The following CEP57L1 variants were observed in gnomAD, a reference collection of about 807,000 sequenced individuals.
CEP57L1 encodes the protein centrosomal protein 57 like 1, also known as centrosomal protein CEP57L1.
In CEP57L1, 37 loss-of-function variants were observed where a neutral mutation model predicts 61.0. The observed-to-expected ratio is 0.61, with a 90% confidence interval of 0.47 to 0.80. The LOEUF is 0.80. CEP57L1 is among the 30% of genes least tolerant of loss of function. The pLI is 0.00. For synonymous variants in CEP57L1, 137 were observed against 162.3 expected, an observed-to-expected ratio of 0.84 and a Z score of 1.19; for missense variants, 422 against 524.7, an observed-to-expected ratio of 0.80 and a Z score of 1.91.
rs202070350 is a variant in CEP57L1 at position 109,169,226 on chromosome 6, C to CAA, written c.*6276_*6277dup. Among the ~76,000 whole-genome samples the CAA allele has an allele frequency of 0.019, 1,293 of 67,328 alleles. 42 individuals carry two copies. The highest frequency in any genetic ancestry group is 0.062 in the African/African-American group (1,079 of 17,374). The allele number at this position is 67,328 out of a possible 152,430, so 44.2% of individuals were successfully genotyped here. ...GAGCAGCAGAGTGAGGCTCCATCAG[C>CAA]AAAAAAAAAAAAAAAAAAAAAGATC... is the stretch of plus-strand genomic sequence containing the variant. On this transcript the variant is annotated 3_prime_UTR_variant, in exon 11 of 11. Coordinates refer to ENST00000517392, the MANE Select transcript of CEP57L1 (RefSeq NM_001271852.3).
intron 1 of CEP57L1, among the ~76,000 whole-genome samples, chr6:109,138,687 G>C (rs1340483276): frequency 6.6e-6 from 1 of 152,136 alleles, no homozygotes; most frequent in Non-Finnish European, 1.5e-5. Flanking sequence ...AGTTTGCCTT[G>C]TTTGAAATGT....
Position 109,146,771 on chromosome 6 carries a change from C to A in CEP57L1, c.174C>A (p.Ala58=). 6.4e-7 allele frequency: 1 copy of A among 1,570,158 alleles called. No homozygotes were observed. The highest frequency in any genetic ancestry group is 8.6e-7 in the Non-Finnish European group (1 of 1,164,476). The change falls in exon 3 of 11, where the codon GCC becomes GCA. Residue 58 remains alanine, a synonymous_variant. Transcript: ENST00000517392. ...TTTTTTCAACAGCTCTTATTTTAGCCTTAAAAACTCTTCAGGAAAAAATTC... is the reference window on the plus strand; with the variant it reads ...TTTTTTCAACAGCTCTTATTTTAGCATTAAAAACTCTTCAGGAAAAAATTC... ...HSPNSQALIL[A]LKTLQEKIHR...
intron 1 of CEP57L1, among the ~76,000 whole-genome samples, chr6:109,121,806 T>C (rs1333581032): frequency 2.0e-5 from 3 of 152,184 alleles, no homozygotes; most frequent in Non-Finnish European, 2.9e-5. Flanking sequence ...TGGTTAAATG[T>C]GATGGAAAGG....
chr6:109,109,910 G>T (rs567885355), intron 1 of CEP57L1, among the ~76,000 whole-genome samples: 2 of 152,138 alleles, frequency 1.3e-5, no homozygotes, highest in Non-Finnish European at 2.9e-5. Flanking sequence ...TGGTGTATAC[G>T]TGCCACATTT....
intron 1 of CEP57L1, 86 bp from the exon 2 acceptor site, chr6:109,145,133 T>A (rs1320385776): frequency 1.0e-5 from 8 of 789,802 alleles, no homozygotes; most frequent in Non-Finnish European, 1.5e-5. Flanking sequence ...GATTATGTTT[T>A]TAAAGTTTCA....
intron 10 of CEP57L1, 39 bp downstream of exon 10, chr6:109,160,755 A>G: frequency 1.0e-5 from 16 of 1,557,734 alleles, no homozygotes; most frequent in Non-Finnish European, 1.3e-5. Flanking sequence ...TAAAAACACA[A>G]AATATCTGGA....
intron 1 of CEP57L1, among the ~76,000 whole-genome samples, chr6:109,126,247 A>G (rs913287773): frequency 6.6e-6 from 1 of 152,202 alleles, no homozygotes; most frequent in Non-Finnish European, 1.5e-5. Flanking sequence ...GACCCTTACA[A>G]ATGAAAATAT....
intron 1 of CEP57L1, among the ~76,000 whole-genome samples, chr6:109,118,253 T>G (rs1772541219): frequency 6.6e-6 from 1 of 152,208 alleles, no homozygotes; most frequent in Admixed American, 6.5e-5. Flanking sequence ...GCCAGGCTGA[T>G]CTCAAACTCC....
intron 1 of CEP57L1, among the ~76,000 whole-genome samples, chr6:109,097,260 T>A (rs1177639305): frequency 6.6e-6 from 1 of 152,198 alleles, no homozygotes; most frequent in East Asian, 1.9e-4. Flanking sequence ...ACTGCGATAA[T>A]CTCTCAAGAC....
chr6:109,122,994 A>G (rs1301830452), intron 1 of CEP57L1, among the ~76,000 whole-genome samples: 1 of 152,130 alleles, frequency 6.6e-6, no homozygotes, highest in Admixed American at 6.5e-5. Flanking sequence ...TAATTATCAA[A>G]ATGATATATT....
rs911492612 is a variant in CEP57L1 at position 109,169,082 on chromosome 6, C to T, written c.*6112C>T. 2.0e-5 allele frequency among the ~76,000 whole-genome samples: 3 copies of T among 151,398 alleles called. No individual in the cohort carries two copies. The highest frequency in any genetic ancestry group is 6.6e-5 in the Admixed American group (1 of 15,214). ...CTCTACTAAAAATACAAAAATTAGCCGGGCATGGTGGTATGTGCCTGTAAT... is the reference window on the plus strand; with the variant it reads ...CTCTACTAAAAATACAAAAATTAGCTGGGCATGGTGGTATGTGCCTGTAAT... On this transcript the variant is annotated 3_prime_UTR_variant, in exon 11 of 11. Coordinates refer to ENST00000517392, the MANE Select transcript of CEP57L1 (RefSeq NM_001271852.3).
At chr6:109,122,811 GA>G (rs199704709) in intron 1 of CEP57L1, among the ~76,000 whole-genome samples, 1 of 149,710 alleles carries the variant, frequency 6.7e-6, no homozygotes, top group East Asian at 2.0e-4. Context: ...TGTCTCAAAA[GA>G]AAAAAAAAGA....
In CEP57L1 at chr6:109,116,260, C is replaced by G. The variant is rs577023704; in HGVS notation, c.-4+20685C>G. On this transcript the variant is annotated intron_variant, in intron 1 of 10. Coordinates refer to ENST00000517392, the MANE Select transcript of CEP57L1 (RefSeq NM_001271852.3). Reference sequence around the variant, plus strand: ...TGGCATGATCTCGGCTCACTGCAACCTCCACCTCCCAGGTTCAAGTGATTC... The same window carrying G: ...TGGCATGATCTCGGCTCACTGCAACGTCCACCTCCCAGGTTCAAGTGATTC... 1.7e-3 allele frequency among the ~76,000 whole-genome samples: 253 copies of G among 152,152 alleles called. 2 individuals carry two copies. The highest frequency in any genetic ancestry group is 2.6e-3 in the Non-Finnish European group (174 of 68,014).
At chr6:109,124,612 A>T (rs377588697) in intron 1 of CEP57L1, among the ~76,000 whole-genome samples, 1 of 152,224 alleles carries the variant, frequency 6.6e-6, no homozygotes, top group Non-Finnish European at 1.5e-5. Context: ...TTCACAGAAG[A>T]AGTTTTTAAT....
At chr6:109,112,493 T>A (rs1437224668) in intron 1 of CEP57L1, among the ~76,000 whole-genome samples, 3 of 152,176 alleles carry the variant, frequency 2.0e-5, no homozygotes, top group Admixed American at 2.0e-4. Context: ...TTTGAAGGGT[T>A]TTTGTGTCTC....
intron 1 of CEP57L1, among the ~76,000 whole-genome samples, chr6:109,139,504 T>A (rs1351725308): frequency 4.0e-5 from 6 of 150,600 alleles, no homozygotes; most frequent in Middle Eastern, 6.8e-3. Context: ...TGAGATGGAG[T>A]CTCACTCTGT....
chr6:109,148,278 C>T (rs1218657348), intron 3 of CEP57L1, among the ~76,000 whole-genome samples: 4 of 151,978 alleles, frequency 2.6e-5, no homozygotes. Flanking sequence ...CTCCCCCCAC[C>T]CCACAACAGT....
At chr6:109,143,920 G>A (rs761281127) in intron 1 of CEP57L1, among the ~76,000 whole-genome samples, 8 of 152,038 alleles carry the variant, frequency 5.3e-5, no homozygotes, top group Non-Finnish European at 7.4e-5. Context: ...CAGGATTTAC[G>A]TACTTTAGGG....
At chr6:109,133,005 T>G (rs746364015) in intron 1 of CEP57L1, among the ~76,000 whole-genome samples, 19 of 152,226 alleles carry the variant, frequency 1.2e-4, no homozygotes, top group Non-Finnish European at 2.5e-4. Flanking sequence ...GTAAATTAAT[T>G]AAATTAATAT....
Sources: gnomAD v4.1 joint callset for allele counts (sites outside exome capture counted in the v4.1 genomes callset) on GRCh38, gnomAD v4.1.1 for gene constraint, MANE v1.5 for transcripts, NCBI Gene and HGNC (gene_info 2026-07-23, HGNC 2026-07-21) for gene names.